Variants in FBRSL1 observed in about 807,000 individuals in gnomAD.
The protein encoded by FBRSL1 is fibrosin-1-like protein.
A neutral mutation model predicts 89.6 loss-of-function variants in FBRSL1; 51 were observed. The ratio of observed to expected loss-of-function variants is 0.57; its 90% CI spans 0.45 to 0.72. The LOEUF (loss-of-function observed/expected upper bound fraction) is 0.72. Ranked by LOEUF, FBRSL1 falls within the 30% of genes least tolerant of loss-of-function variation. The pLI is 0.00. For missense variants in FBRSL1, 1,618 were observed against 1,451.8 expected (o/e 1.11, Z -1.86); for synonymous variants, 779 against 681.1 (o/e 1.14, Z -2.24).
rs752358084 is a variant in FBRSL1 at position 132,508,227 on chromosome 12, G to A, written c.366G>A (p.Ser122=). ...GTCTCATCAAGAAGCCCCGGGAGTC[G>A]GAAACCTGCCCCCCTGCGGAGCCCA... ...ERRLIKKPRE[S]ETCPPAEPSE... is the part of the protein sequence containing the mutation. Residue 122 remains serine, a synonymous_variant, in exon 2 of 19, where the codon TCG becomes TCA. Coordinates refer to ENST00000680143, the MANE Select transcript of FBRSL1 (RefSeq NM_001367871.1). 6.4e-6 allele frequency: 10 copies of A among 1,551,036 alleles called. No homozygotes were observed. The highest frequency in any genetic ancestry group is 5.5e-5 in the African/African-American group (4 of 73,052).
intron 9 of FBRSL1, 92 bp downstream of exon 9, chr12:132,571,323 G>A: frequency 6.5e-7 from 1 of 1,548,012 alleles, no homozygotes; most frequent in Non-Finnish European, 8.7e-7. Context: ...AGCTGCTCAG[G>A]CAAGAGCTGA....
intron 4 of FBRSL1, among the ~76,000 whole-genome samples, chr12:132,530,886 G>T (rs1175278923): frequency 6.6e-6 from 1 of 151,916 alleles, no homozygotes; most frequent in Non-Finnish European, 1.5e-5. Flanking sequence ...TCAGACCCTG[G>T]TGCATACAGA....
At chr12:132,576,297 A>G (rs920461296) in intron 14 of FBRSL1, among the ~76,000 whole-genome samples, 2 of 151,308 alleles carry the variant, frequency 1.3e-5, no homozygotes, top group Admixed American at 6.6e-5. Context: ...GCTTCAAGTG[A>G]TTCTCCTGTC....
chr12:132,573,736 C>G lies in FBRSL1; in HGVS notation c.1531-354C>G, dbSNP rs370213330. The stretch of plus-strand genomic sequence containing the variant: ...TTTCCCTGGCGCCCCTGGTGGGAAA[C>G]GACCATCTCCCCTTGGCCCATCCAG... On this transcript the variant is annotated intron_variant, in intron 11 of 18. Transcript: ENST00000680143. 5.6e-4 allele frequency among the ~76,000 whole-genome samples: 86 copies of G among 152,256 alleles called. 2 individuals carry two copies. The South Asian group carries it at 0.017, about 31-fold the overall frequency.
chr12:132,532,733 G>C (rs2036394343), intron 4 of FBRSL1, among the ~76,000 whole-genome samples: 1 of 152,162 alleles, frequency 6.6e-6, no homozygotes, highest in African/African-American at 2.4e-5. Context: ...GTGGGAGGGG[G>C]GGCCAGGCCA....
At chr12:132,570,947 A>T in intron 8 of FBRSL1, 121 bp from the exon 9 acceptor site, 1 of 652,204 alleles carries the variant, frequency 1.5e-6, no homozygotes, top group Non-Finnish European at 1.9e-6. Flanking sequence ...TGAGGCTCCG[A>T]GTCAGCCCGG....
At chr12:132,521,606 C>T (rs2035364953) in intron 2 of FBRSL1, among the ~76,000 whole-genome samples, 1 of 152,170 alleles carries the variant, frequency 6.6e-6, no homozygotes, top group African/African-American at 2.4e-5. Flanking sequence ...AGTTCATGCC[C>T]CTGTAGGATA....
intron 4 of FBRSL1, among the ~76,000 whole-genome samples, chr12:132,536,080 G>C (rs567051479): frequency 1.5e-5 from 2 of 135,486 alleles, no homozygotes; most frequent in Admixed American, 1.6e-4. Flanking sequence ...AGTGTGTTCT[G>C]TGTGTACATG....
In FBRSL1 at chr12:132,509,977, C is replaced by T. The variant is rs1412478024; in HGVS notation, c.489+1627C>T. On this transcript the variant is annotated intron_variant, in intron 2 of 18. Coordinates refer to ENST00000680143, the MANE Select transcript of FBRSL1 (RefSeq NM_001367871.1). ...TCCCTGCTGGGCCAGCCCAGCCGCC[C>T]CCGGCGGTCGCTGCTGCGCCCCAGG... 8.1e-6 allele frequency: 10 copies of T among 1,231,670 alleles called. No homozygotes were observed. Among genetic ancestry groups the T allele is most frequent in the Middle Eastern group, 3.1e-4 (1 of 3,232 alleles). The allele number at this position is 1,231,670 out of a possible 1,614,324, so 76.3% of individuals were successfully genotyped here. A position where few individuals can be genotyped will look rare whatever the true frequency, so the allele number is the denominator to read the frequency against.
chr12:132,520,441 C>A (rs925593805), intron 2 of FBRSL1, among the ~76,000 whole-genome samples: 1 of 152,184 alleles, frequency 6.6e-6, no homozygotes, highest in Admixed American at 6.5e-5. Context: ...ATCAGGCTCA[C>A]CTTAGGAGTA....
chr12:132,542,355 G>A (rs530276898), intron 4 of FBRSL1, among the ~76,000 whole-genome samples: 4 of 152,368 alleles, frequency 2.6e-5, no homozygotes, highest in African/African-American at 7.2e-5. Flanking sequence ...CCTCTCACCC[G>A]ACACTCAGGC....
At chr12:132,500,960 G>GC (rs1198887105) in intron 1 of FBRSL1, among the ~76,000 whole-genome samples, 1 of 152,212 alleles carries the variant, frequency 6.6e-6, no homozygotes, top group African/African-American at 2.4e-5. Flanking sequence ...TCACTCGCCT[G>GC]CCCCTCACAC....
chr12:132,544,360 G>A (rs76757076), intron 4 of FBRSL1, among the ~76,000 whole-genome samples: 1,763 of 152,254 alleles, frequency 0.012, 45 homozygotes, highest in East Asian at 0.11. Context: ...GAGAAGGAGA[G>A]ACTTGATATC....
At chr12:132,547,093 T>C (rs1489256047) in intron 4 of FBRSL1, among the ~76,000 whole-genome samples, 1 of 152,220 alleles carries the variant, frequency 6.6e-6, no homozygotes, top group East Asian at 1.9e-4. Context: ...CCCTTTTGAC[T>C]GTTTCGGGGG....
intron 15 of FBRSL1, 151 bp from the exon 16 acceptor site, chr12:132,581,288 T>C (rs1024337765): frequency 3.3e-6 from 5 of 1,497,336 alleles, no homozygotes; most frequent in Non-Finnish European, 4.5e-6. Context: ...CCTCTTACTC[T>C]GACTGGACAC....
At chr12:132,572,190 C>A (rs368508334) in intron 9 of FBRSL1, 98 bp from the exon 10 acceptor site, 2 of 1,131,654 alleles carry the variant, frequency 1.8e-6, no homozygotes, top group African/African-American at 1.5e-5. Context: ...AGCACAACGC[C>A]GTCCTGTCAC....
chr12:132,507,129 C>A, intron 1 of FBRSL1: 1 of 921,368 alleles, frequency 1.1e-6, no homozygotes. Context: ...GGGGGCGGGT[C>A]CTCCTCGGGG....
intron 2 of FBRSL1, among the ~76,000 whole-genome samples, chr12:132,514,690 G>C (rs1449244480): frequency 2.0e-5 from 3 of 152,170 alleles, no homozygotes; most frequent in Non-Finnish European, 2.9e-5. Context: ...GACCTAGAGG[G>C]CTCCCTGGTG....
chr12:132,509,836 C>T (rs1028293597), intron 2 of FBRSL1: 51 of 1,231,668 alleles, frequency 4.1e-5, no homozygotes, highest in Middle Eastern at 6.2e-4. Flanking sequence ...TACCAGCCCC[C>T]GCGGCCACTC....
Sources: gnomAD v4.1 joint callset for allele counts (sites outside exome capture counted in the v4.1 genomes callset) on GRCh38, gnomAD v4.1.1 for gene constraint, MANE v1.5 for transcripts, NCBI Gene and HGNC (gene_info 2026-07-23, HGNC 2026-07-21) for gene names.